PTGER3: variants seen among roughly 807,000 people sequenced by gnomAD.
The protein encoded by PTGER3 is prostaglandin E2 receptor EP3 subtype.
PTGER3 carries 22 observed loss-of-function variants against 34.7 expected under a neutral mutation model. The ratio of observed to expected loss-of-function variants is 0.63; its 90% CI spans 0.45 to 0.91. PTGER3 has a LOEUF of 0.91. PTGER3 is among the 40% of genes least tolerant of loss of function. The pLI is 0.00. For missense variants in PTGER3, 468 were observed against 519.4 expected, an observed-to-expected ratio of 0.90 and a Z score of 0.96; for synonymous variants, 241 against 230.1, an observed-to-expected ratio of 1.05 and a Z score of -0.43.
chr1:70,950,493 T>G (rs1452263599), downstream of PTGER3, among the ~76,000 whole-genome samples: 1 of 152,080 alleles, frequency 6.6e-6, no homozygotes, highest in African/African-American at 2.4e-5. Flanking sequence ...TGCTCACCTT[T>G]CACGGGAAAA....
intron 4 of PTGER3, among the ~76,000 whole-genome samples, chr1:70,898,362 G>C: frequency 6.6e-6 from 1 of 152,108 alleles, no homozygotes; most frequent in East Asian, 1.9e-4. Context: ...TCCACAGCCT[G>C]CTCATCTCTA....
At chr1:70,923,209 G>T (rs1317406664) in intron 4 of PTGER3, among the ~76,000 whole-genome samples, 9 of 148,742 alleles carry the variant, frequency 6.1e-5, no homozygotes, top group African/African-American at 2.2e-4. Context: ...ATGGTGCTTG[G>T]TTTTTTTTTT....
chr1:71,030,034 G>A (rs1412706838), intron 1 of PTGER3, among the ~76,000 whole-genome samples: 1 of 152,068 alleles, frequency 6.6e-6, no homozygotes, highest in Non-Finnish European at 1.5e-5. Context: ...CAGATGCTTT[G>A]TAGGTATTTG....
At chr1:71,011,700 G>A in intron 2 of PTGER3, 2 of 974,554 alleles carry the variant, frequency 2.1e-6, no homozygotes, top group Non-Finnish European at 2.4e-6. Context: ...TTGAATAATG[G>A]TATCGATGAA....
chr1:70,971,620 A>C lies in PTGER3; in HGVS notation c.*110T>G, dbSNP rs1572806852. On this transcript the variant is annotated 3_prime_UTR_variant, in exon 4 of 4. Coordinates refer to ENST00000306666, the MANE Select transcript of PTGER3 (RefSeq NM_198719.2). ...CAATCATTAAAATAAAAAGATAAAA[A>C]TGAAGAAATAATCCAAATTAAAATA... 1.4e-6 allele frequency: 2 copies of C among 1,403,348 alleles called. No homozygotes were observed. Among genetic ancestry groups the C allele is most frequent in the South Asian group, 3.7e-5 (2 of 53,844 alleles). The allele number at this position is 1,403,348 out of a possible 1,614,324, so 86.9% of individuals were successfully genotyped here.
intron 1 of PTGER3, among the ~76,000 whole-genome samples, chr1:71,014,681 C>T (rs1215913795): frequency 6.6e-6 from 1 of 152,152 alleles, no homozygotes; most frequent in African/African-American, 2.4e-5. Flanking sequence ...AGTCTACAAG[C>T]CAGGAAAAGG....
At chr1:71,031,421 C>G (rs948816318) in intron 1 of PTGER3, among the ~76,000 whole-genome samples, 3 of 152,104 alleles carry the variant, frequency 2.0e-5, no homozygotes, top group Non-Finnish European at 4.4e-5. Context: ...ATAACCGTTT[C>G]TCTGTATTCT....
intron 1 of PTGER3, among the ~76,000 whole-genome samples, chr1:71,042,152 T>C (rs778592177): frequency 5.3e-5 from 8 of 151,922 alleles, no homozygotes; most frequent in Non-Finnish European, 1.0e-4. Context: ...TGGCTCTTTC[T>C]GATAAACTCA....
chr1:70,969,554 C>T (rs1557696847), downstream of PTGER3, among the ~76,000 whole-genome samples: 1 of 151,986 alleles, frequency 6.6e-6, no homozygotes, highest in Non-Finnish European at 1.5e-5. Context: ...TAGTACAATA[C>T]AATAGTCAAA....
intron 3 of PTGER3, 62 bp downstream of exon 3, chr1:70,974,235 C>G: frequency 1.3e-6 from 2 of 1,586,632 alleles, no homozygotes; most frequent in South Asian, 1.2e-5. Context: ...GCATCAACTC[C>G]GATTAGAACA....
rs988992453 is a variant in PTGER3 at position 71,047,704 on chromosome 1, G to A, written c.-127C>T. 5.3e-6 allele frequency: 6 copies of A among 1,123,284 alleles called. No individual in the cohort carries two copies. Among genetic ancestry groups the A allele is most frequent in the African/African-American group, 1.7e-5 (1 of 60,044 alleles). The allele number at this position is 1,123,284 out of a possible 1,614,324, so 69.6% of individuals were successfully genotyped here. A position where few individuals can be genotyped will look rare whatever the true frequency, so the allele number is the denominator to read the frequency against. On this transcript the variant is annotated 5_prime_UTR_variant, in exon 1 of 4. Transcript: ENST00000306666. ...GGCTGGGCTGCCCCCCATGGTGCGGGGCGCAGCCGCCGCCCTACTCCGCTG... is the reference window on the plus strand; with the variant it reads ...GGCTGGGCTGCCCCCCATGGTGCGGAGCGCAGCCGCCGCCCTACTCCGCTG...
chr1:70,962,161 C>A (rs1651994926), intron 2 of PTGER3, among the ~76,000 whole-genome samples: 1 of 152,148 alleles, frequency 6.6e-6, no homozygotes, highest in African/African-American at 2.4e-5. Context: ...GATTCAAACC[C>A]ACAGCTATCC....
In PTGER3 at chr1:70,917,441, G is replaced by GTGTGTGTGTGTA. The variant is rs376536515; in HGVS notation, c.*23+36321_*23+36322insTACACACACACA. On this transcript the variant is annotated intron_variant, in intron 4 of 4. Coordinates refer to the PTGER3 transcript ENST00000370931. The stretch of plus-strand genomic sequence containing the variant: ...TGTGTGTGTGTGTGTGTGTGTGTGT[G>GTGTGTGTGTGTA]TATACAATCAATTCCATAGAATGGC... 1.8e-3 allele frequency among the ~76,000 whole-genome samples: 247 copies of GTGTGTGTGTGTA among 137,436 alleles called. 2 individuals carry two copies. The highest frequency in any genetic ancestry group is 7.3e-3 in the African/African-American group (235 of 32,174). 90.2% of individuals were successfully genotyped at this position (137,436 alleles called of 152,430 possible).
intron 4 of PTGER3, among the ~76,000 whole-genome samples, chr1:70,866,273 T>C (rs749614136): frequency 6.6e-6 from 1 of 152,118 alleles, no homozygotes; most frequent in Non-Finnish European, 1.5e-5. Context: ...CACTGCAAAA[T>C]CTGTGCCAAC....
At chr1:71,036,622 C>T (rs1200393133) in intron 1 of PTGER3, among the ~76,000 whole-genome samples, 2 of 152,102 alleles carry the variant, frequency 1.3e-5, no homozygotes, top group Non-Finnish European at 2.9e-5. Context: ...GGGCGGATCA[C>T]AAGGTCAGGA....
chr1:70,891,890 T>C (rs943818595), intron 4 of PTGER3, among the ~76,000 whole-genome samples: 1 of 152,344 alleles, frequency 6.6e-6, no homozygotes, highest in Non-Finnish European at 1.5e-5. Context: ...ATGAGAGACA[T>C]GTGCCATGAG....
chr1:71,003,991 C>T (rs905323764), intron 2 of PTGER3, among the ~76,000 whole-genome samples: 16 of 152,104 alleles, frequency 1.1e-4, no homozygotes, highest in African/African-American at 3.9e-4. Context: ...TCAGAAGGGT[C>T]GTTGATCCTA....
At chr1:70,896,802 C>T (rs1258378631) in intron 4 of PTGER3, among the ~76,000 whole-genome samples, 2 of 152,120 alleles carry the variant, frequency 1.3e-5, no homozygotes, top group African/African-American at 4.8e-5. Flanking sequence ...AGTGTTCCTC[C>T]AGGACTGGAG....
intron 4 of PTGER3, among the ~76,000 whole-genome samples, chr1:70,880,870 C>T (rs567178981): frequency 1.3e-5 from 2 of 152,176 alleles, no homozygotes; most frequent in South Asian, 2.1e-4. Context: ...GAGAATCTGA[C>T]GACTATGTGT....
Sources: gnomAD v4.1 joint callset for allele counts (sites outside exome capture counted in the v4.1 genomes callset) on GRCh38, gnomAD v4.1.1 for gene constraint, MANE v1.5 for transcripts, NCBI Gene and HGNC (gene_info 2026-07-23, HGNC 2026-07-21) for gene names.